Variants in SAP30BP observed in about 807,000 individuals in gnomAD.
SAP30BP encodes the protein SAP30-binding protein.
A neutral mutation model predicts 46.3 loss-of-function variants in SAP30BP; 31 were observed. The ratio of observed to expected loss-of-function variants is 0.67; its 90% CI spans 0.50 to 0.90. The LOEUF is 0.90. SAP30BP is among the 40% of genes least tolerant of loss of function. The probability of loss-of-function intolerance (pLI) is 0.00; values close to 1 mark genes in which losing one functional copy is unlikely to be tolerated. For missense variants in SAP30BP, 312 were observed against 391.0 expected, an observed-to-expected ratio of 0.80 and a Z score of 1.70; for synonymous variants, 169 against 144.2, an observed-to-expected ratio of 1.17 and a Z score of -1.23.
chr17:75,671,791 A>G, intron 2 of SAP30BP, 25 bp from the exon 3 acceptor site: 3 of 1,604,522 alleles, frequency 1.9e-6, no homozygotes, highest in Middle Eastern at 3.3e-4. Context: ...TTTAAGCTTA[A>G]TCCTCTAAAT....
intron 5 of SAP30BP, 149 bp from the exon 6 acceptor site, chr17:75,702,331 G>C: frequency 2.1e-6 from 1 of 477,964 alleles, no homozygotes. Flanking sequence ...GCTGAGGATA[G>C]GTTAAATTTT....
In SAP30BP at chr17:75,699,860, A is replaced by T. The variant is rs11558668; in HGVS notation, c.385A>T (p.Asn129Tyr). 3.1e-6 allele frequency: 5 copies of T among 1,612,036 alleles called. No homozygotes were observed. The highest frequency in any genetic ancestry group is 4.2e-6 in the Non-Finnish European group (5 of 1,178,298). The change falls in exon 5 of 11, where the codon AAT becomes TAT. Residue 129 changes from asparagine (N) to tyrosine (Y), a missense_variant. Coordinates refer to ENST00000584667, the MANE Select transcript of SAP30BP (RefSeq NM_013260.8). ...IPPEPPGRCSNHLQDKIQKLY... is the reference protein window; with the variant it reads ...IPPEPPGRCSYHLQDKIQKLY... ...GCCAGAACCCCCTGGCAGATGTTCAAATCACTTGCAAGTAAGCATGAGACT... is the reference window on the plus strand; with the variant it reads ...GCCAGAACCCCCTGGCAGATGTTCATATCACTTGCAAGTAAGCATGAGACT...
intron 4 of SAP30BP, among the ~76,000 whole-genome samples, chr17:75,694,189 C>T (rs2060280540): frequency 6.6e-6 from 1 of 152,118 alleles, no homozygotes; most frequent in Non-Finnish European, 1.5e-5. Flanking sequence ...AGGCTCCTGC[C>T]TCCTGCGGTC....
Position 75,674,690 on chromosome 17 carries a change from G to GTTTTTTTTT in SAP30BP, c.264+2833_264+2834insTTTTTTTTT, listed in dbSNP as rs1287087489. 5.7e-3 allele frequency among the ~76,000 whole-genome samples: 224 copies of GTTTTTTTTT among 39,570 alleles called. 16 individuals are homozygous for GTTTTTTTTT. The highest frequency in any genetic ancestry group is 0.011 in the African/African-American group (164 of 15,106). The allele number at this position is 39,570 out of a possible 152,430, so 26.0% of individuals were successfully genotyped here. Reference sequence around the variant, plus strand: ...TTAAGCATATGAAGTTTTTTTGTTTGTTTTTTGTTTTTTTTTTTTTTTTTT... The same window carrying GTTTTTTTTT: ...TTAAGCATATGAAGTTTTTTTGTTTGTTTTTTTTTTTTTTTGTTTTTTTTTTTTTTTTTT... On this transcript the variant is annotated intron_variant, in intron 3 of 10. Transcript: ENST00000584667.
intron 3 of SAP30BP, 193 bp from the exon 4 acceptor site, chr17:75,693,247 T>A: frequency 3.5e-6 from 2 of 578,514 alleles, no homozygotes; most frequent in Non-Finnish European, 6.3e-6. Flanking sequence ...AGCATCCGGC[T>A]GCTGCGATGC....
At chr17:75,693,243 C>A in intron 3 of SAP30BP, 197 bp from the exon 4 acceptor site, 2 of 573,552 alleles carry the variant, frequency 3.5e-6, no homozygotes, top group Non-Finnish European at 6.3e-6. Flanking sequence ...CGGGAGCATC[C>A]GGCTGCTGCG....
At chr17:75,695,515 C>T (rs752374409) in intron 4 of SAP30BP, among the ~76,000 whole-genome samples, 4 of 152,196 alleles carry the variant, frequency 2.6e-5, no homozygotes, top group Non-Finnish European at 4.4e-5. Context: ...CTGATTCACC[C>T]ATGAGGACAC....
intron 4 of SAP30BP, among the ~76,000 whole-genome samples, chr17:75,696,418 C>T (rs2060319935): frequency 6.6e-6 from 1 of 151,472 alleles, no homozygotes; most frequent in Non-Finnish European, 1.5e-5. Flanking sequence ...GTGGTACTTG[C>T]CTATAGTCCA....
intron 3 of SAP30BP, among the ~76,000 whole-genome samples, chr17:75,685,693 C>G (rs2060145475): frequency 6.6e-6 from 1 of 152,166 alleles, no homozygotes. Flanking sequence ...TTGTCTGTCT[C>G]CAGGCTCCCC....
At chr17:75,702,401 G>C (rs6501830) in intron 5 of SAP30BP, 79 bp from the exon 6 acceptor site, 56,862 of 617,364 alleles carry the variant, frequency 0.092, 7,708 homozygotes, top group East Asian at 0.42. Flanking sequence ...TGCACATGTA[G>C]CTGGTGACCA....
chr17:75,668,421 TG>T, intron 1 of SAP30BP, 94 bp from the exon 2 acceptor site: 1 of 700,976 alleles, frequency 1.4e-6, no homozygotes, highest in Non-Finnish European at 2.3e-6. Flanking sequence ...GAGATAGTCT[TG>T]GCCACTCAAA....
chr17:75,691,142 C>G (rs1019683574), intron 3 of SAP30BP, among the ~76,000 whole-genome samples: 1 of 152,098 alleles, frequency 6.6e-6, no homozygotes, highest in Non-Finnish European at 1.5e-5. Flanking sequence ...AGGTTCAGGA[C>G]TGAATGAGAG....
At position 75,701,516 on chromosome 17, in the gene SAP30BP, T is replaced by C. The variant is rs1021252550; in HGVS notation, c.397-964T>C. Among the ~76,000 whole-genome samples, 10 of 152,178 alleles carry C rather than the reference T, an allele frequency of 6.6e-5. No individual in the cohort carries two copies. The East Asian group carries it at 1.9e-3, about 29-fold the overall frequency. ...TGGATCCCCCGAGGTGGTTCTCCACTCTCCCATCGAAAGCCAGGGCAGTGA... is the reference window on the plus strand; with the variant it reads ...TGGATCCCCCGAGGTGGTTCTCCACCCTCCCATCGAAAGCCAGGGCAGTGA... On this transcript the variant is annotated intron_variant, in intron 5 of 10. Coordinates refer to ENST00000584667, the MANE Select transcript of SAP30BP (RefSeq NM_013260.8).
At chr17:75,696,093 C>T (rs1262723130) in intron 4 of SAP30BP, among the ~76,000 whole-genome samples, 1 of 152,332 alleles carries the variant, frequency 6.6e-6, no homozygotes, top group Admixed American at 6.5e-5. Context: ...GGGCAAGTCA[C>T]GCTGACAGCT....
chr17:75,706,049 C>T lies in SAP30BP; in HGVS notation c.702C>T (p.Asn234=), dbSNP rs759324749. The T allele has an allele frequency of 3.8e-5, 61 of 1,613,640 alleles. 1 individual carries two copies. The South Asian group carries it at 4.5e-4, about 12-fold the overall frequency. Residue 234 remains asparagine (N), a synonymous_variant, in exon 10 of 11, where the codon AAC becomes AAT. Coordinates refer to ENST00000584667, the MANE Select transcript of SAP30BP (RefSeq NM_013260.8). This position sits in a 1 kb window ranked among gnomAD's most constrained non-coding sequence, Gnocchi z 4.6. ...VTGTKKGTTT[N]ATSTTTTTAS... is the part of the protein sequence containing the mutation. ...GCACCAAAAAAGGCACCACGACCAA[C>T]GCCACGTCCACCACCACTACCACTG...
chr17:75,693,573 CT>C, intron 4 of SAP30BP, 91 bp downstream of exon 4: 1 of 1,187,910 alleles, frequency 8.4e-7, no homozygotes, highest in Non-Finnish European at 1.2e-6. Context: ...CCCCACAGGG[CT>C]TCTGTCTGCT....
chr17:75,700,597 A>G (rs1254855807), intron 5 of SAP30BP, among the ~76,000 whole-genome samples: 1 of 152,158 alleles, frequency 6.6e-6, no homozygotes, highest in African/African-American at 2.4e-5. Flanking sequence ...TAACGGATGG[A>G]TGACTAATGG....
At chr17:75,674,703 T>TGG (rs56193521) in intron 3 of SAP30BP, among the ~76,000 whole-genome samples, 1 of 86,306 alleles carries the variant, frequency 1.2e-5, no homozygotes, top group Admixed American at 1.5e-4. Context: ...TTTTGTTTTT[T>TGG]TTTTTTTTTT....
At chr17:75,697,166 C>T (rs1322329689) in intron 4 of SAP30BP, among the ~76,000 whole-genome samples, 2 of 152,210 alleles carry the variant, frequency 1.3e-5, no homozygotes, top group Non-Finnish European at 2.9e-5. Flanking sequence ...CAAAGGCTTT[C>T]CTGGCAAATG....
Sources: gnomAD v4.1 joint callset for allele counts (sites outside exome capture counted in the v4.1 genomes callset) on GRCh38, gnomAD v4.1.1 for gene constraint, Gnocchi (gnomAD v3.1) non-coding constraint, MANE v1.5 for transcripts, NCBI Gene and HGNC (gene_info 2026-07-23, HGNC 2026-07-21) for gene names.